SMARCC1: variants seen among roughly 807,000 people sequenced by gnomAD.
SMARCC1 encodes SWI/SNF related BAF chromatin remodeling complex subunit C1.
A neutral mutation model predicts 147.4 loss-of-function variants in SMARCC1; 43 were observed. The ratio of observed to expected loss-of-function variants is 0.29; its 90% confidence interval spans 0.23 to 0.38. The LOEUF is 0.38. SMARCC1 is among the 10% of genes least tolerant of loss of function. SMARCC1 has a pLI of 1.00. For synonymous variants in SMARCC1, 495 were observed against 484.4 expected (o/e 1.02, Z -0.29); for missense variants, 1,119 against 1,381.1 (o/e 0.81, Z 3.01).
At chr3:47,625,648 ACTC>A (rs2032798939) in intron 24 of SMARCC1, among the ~76,000 whole-genome samples, 1 of 152,108 alleles carries the variant, frequency 6.6e-6, no homozygotes, top group Non-Finnish European at 1.5e-5. Flanking sequence ...ATGAATTTGG[ACTC>A]CTATCTCATA....
At chr3:47,671,580 T>C (rs1351549459) in intron 18 of SMARCC1, among the ~76,000 whole-genome samples, 2 of 152,210 alleles carry the variant, frequency 1.3e-5, no homozygotes, top group Non-Finnish European at 2.9e-5. Flanking sequence ...TAGTTTATGA[T>C]TCATGTGACG....
chr3:47,680,219 C>A, intron 15 of SMARCC1: 1 of 446,806 alleles, frequency 2.2e-6, no homozygotes, highest in Non-Finnish European at 4.0e-6. Flanking sequence ...GAGACCCTGT[C>A]TCAAACAAAC....
chr3:47,696,409 A>G (rs1202627072), intron 11 of SMARCC1, among the ~76,000 whole-genome samples: 3 of 152,120 alleles, frequency 2.0e-5, no homozygotes, highest in Non-Finnish European at 4.4e-5. Context: ...AAACACAAAC[A>G]AATTTATACA....
At chr3:47,774,684 T>C (rs981861270) in intron 1 of SMARCC1, among the ~76,000 whole-genome samples, 5 of 152,128 alleles carry the variant, frequency 3.3e-5, no homozygotes, top group African/African-American at 1.2e-4. Context: ...CCCAAAGTGC[T>C]GGGATTACAG....
intron 3 of SMARCC1, among the ~76,000 whole-genome samples, chr3:47,745,693 C>T (rs746027334): frequency 1.2e-4 from 19 of 152,262 alleles, no homozygotes; most frequent in Middle Eastern, 3.4e-3. Flanking sequence ...GCCTTGCCAA[C>T]AGCCTTGGTT....
intron 21 of SMARCC1, among the ~76,000 whole-genome samples, chr3:47,641,315 C>T (rs767033597): frequency 4.6e-5 from 7 of 152,022 alleles, no homozygotes; most frequent in East Asian, 1.9e-4. Flanking sequence ...TGTGAAACCC[C>T]GTGTCCACAA....
chr3:47,682,845 CA>C (rs1359658317), intron 14 of SMARCC1, among the ~76,000 whole-genome samples: 2 of 151,912 alleles, frequency 1.3e-5, no homozygotes, highest in East Asian at 3.8e-4. Context: ...GAGCCAAAAG[CA>C]AAATTGTGAA....
At chr3:47,722,767 C>T (rs538872797) in intron 6 of SMARCC1, among the ~76,000 whole-genome samples, 5 of 152,032 alleles carry the variant, frequency 3.3e-5, no homozygotes, top group Non-Finnish European at 7.4e-5. Context: ...AGAGTAAGGC[C>T]AATGCCATTG....
chr3:47,624,978 C>T (rs2032787805), intron 24 of SMARCC1, among the ~76,000 whole-genome samples: 1 of 151,048 alleles, frequency 6.6e-6, no homozygotes. Flanking sequence ...TGTGGTGAGC[C>T]AAGATTGCGC....
intron 14 of SMARCC1, among the ~76,000 whole-genome samples, chr3:47,681,815 C>T (rs2033647683): frequency 6.6e-6 from 1 of 151,848 alleles, no homozygotes; most frequent in Non-Finnish European, 1.5e-5. Context: ...AAAAGAATAA[C>T]CGTAAGGAAC....
chr3:47,638,188 G>T (rs189564322), intron 22 of SMARCC1, among the ~76,000 whole-genome samples: 1 of 152,064 alleles, frequency 6.6e-6, no homozygotes, highest in Admixed American at 6.6e-5. Flanking sequence ...TCTCTCCCGG[G>T]TTCACGCCAT....
intron 2 of SMARCC1, among the ~76,000 whole-genome samples, chr3:47,749,430 G>A (rs753888876): frequency 2.6e-5 from 4 of 152,122 alleles, no homozygotes; most frequent in African/African-American, 7.2e-5. Flanking sequence ...GGAGGCCAAC[G>A]AGGCAGGATC....
chr3:47,671,435 C>CTT (rs2033501255), intron 18 of SMARCC1, among the ~76,000 whole-genome samples: 1 of 152,116 alleles, frequency 6.6e-6, no homozygotes, highest in African/African-American at 2.4e-5. Context: ...GTACTACACA[C>CTT]GTAAAACACT....
In SMARCC1 at chr3:47,671,189, A is replaced by AAC. The variant is rs1553682016; in HGVS notation, c.1840-473_1840-472insGT. ...AGACTATCTCAAAAAAAAAAAAAAA[A>AAC]AAAAAAAAACACACACAAAAACCAA... On this transcript the variant is annotated intron_variant, in intron 18 of 27. Coordinates refer to ENST00000254480, the MANE Select transcript of SMARCC1 (RefSeq NM_003074.4). Among the ~76,000 whole-genome samples, 98 of 145,818 alleles carry AAC rather than the reference A, an allele frequency of 6.7e-4. 1 individual carries two copies. The highest frequency in any genetic ancestry group is 2.4e-3 in the African/African-American group (91 of 38,696).
chr3:47,657,629 T>A (rs1428789683), intron 21 of SMARCC1, among the ~76,000 whole-genome samples: 3 of 151,766 alleles, frequency 2.0e-5, no homozygotes, highest in Non-Finnish European at 4.4e-5. Flanking sequence ...TGAAACCCCA[T>A]CTCTACTTAA....
intron 2 of SMARCC1, among the ~76,000 whole-genome samples, chr3:47,756,441 G>A (rs568172523): frequency 1.4e-5 from 2 of 147,948 alleles, no homozygotes; most frequent in African/African-American, 2.5e-5. Flanking sequence ...GCTGAGGCAG[G>A]AGAATCACTT....
At position 47,610,120 on chromosome 3, in the gene SMARCC1, G is replaced by A. The variant is rs2032541994; in HGVS notation, c.2989C>T (p.Pro997Ser). ...TGGTGGTGCATCAGAGGGTAGGGAG[G>A]GGGCTGTTGATGAGGCATCATGCCA... ...HPGMMPHQQP[P>S]PYPLMHHQMP... Residue 997 changes from proline (P) to serine (S), a missense_variant, in exon 26 of 28, where the codon CCT becomes TCT. Coordinates refer to ENST00000254480, the MANE Select transcript of SMARCC1 (RefSeq NM_003074.4). 1 of 1,613,364 alleles carries A rather than the reference G, an allele frequency of 6.2e-7. No homozygotes were observed. Among genetic ancestry groups the A allele is most frequent in the Admixed American group, 1.7e-5 (1 of 60,010 alleles).
rs368120284 is a variant in SMARCC1 at position 47,678,178 on chromosome 3, GAA to G, written c.1571+18_1571+19del. On this transcript the variant is annotated intron_variant, in intron 16 of 27. Coordinates refer to ENST00000254480, the MANE Select transcript of SMARCC1 (RefSeq NM_003074.4). ...TAAATTCCTACAGTTAAATGTCTCA[GAA>G]AAAGTCAAACAGTTTACCTCATCAC... 33 of 1,419,960 alleles carry G rather than the reference GAA, an allele frequency of 2.3e-5. No homozygotes were observed. In the African/African-American group the frequency reaches 4.4e-4, roughly 19 times the overall value. The allele number at this position is 1,419,960 out of a possible 1,614,324, so 88.0% of individuals were successfully genotyped here. A position where few individuals can be genotyped will look rare whatever the true frequency, so the allele number is the denominator to read the frequency against.
At chr3:47,760,839 A>T (rs2034764997) in intron 2 of SMARCC1, among the ~76,000 whole-genome samples, 1 of 152,066 alleles carries the variant, frequency 6.6e-6, no homozygotes, top group South Asian at 2.1e-4. Context: ...CAAATTAAAA[A>T]TTAAAAAATT....
Sources: allele counts gnomAD v4.1 joint callset (sites outside exome capture counted in the v4.1 genomes callset), GRCh38; gene constraint gnomAD v4.1.1; transcripts MANE v1.5; gene names NCBI Gene and HGNC (gene_info 2026-07-23, HGNC 2026-07-21).